The following LDLRAD4 variants were observed in gnomAD, a reference collection of about 807,000 sequenced individuals.
LDLRAD4 encodes the protein low density lipoprotein receptor class A domain containing 4, also known as low-density lipoprotein receptor class A domain-containing protein 4.
In LDLRAD4, 5 loss-of-function variants were observed where a neutral mutation model predicts 17.0. The observed-to-expected ratio is 0.29, with a 90% CI of 0.15 to 0.62. LDLRAD4 has a LOEUF of 0.62. Ranked by LOEUF, LDLRAD4 falls within the 20% of genes least tolerant of loss-of-function variation. LDLRAD4 has a pLI of 0.84. For missense variants in LDLRAD4, 340 were observed against 424.7 expected (o/e 0.80, Z 1.75); for synonymous variants, 168 against 171.8 (o/e 0.98, Z 0.17).
intron 1 of LDLRAD4, among the ~76,000 whole-genome samples, chr18:13,238,511 C>T (rs1052432295): frequency 2.0e-5 from 3 of 152,204 alleles, no homozygotes; most frequent in African/African-American, 7.2e-5. Flanking sequence ...CTACTCTGTG[C>T]TCTTTCTGTA....
At chr18:13,463,901 C>T (rs2092528452) in intron 3 of LDLRAD4, among the ~76,000 whole-genome samples, 1 of 152,250 alleles carries the variant, frequency 6.6e-6, no homozygotes, top group Non-Finnish European at 1.5e-5. Context: ...TAGTACTTCT[C>T]AGCCTTTCAT....
chr18:13,437,920 A>G (rs1011039619), intron 2 of LDLRAD4, among the ~76,000 whole-genome samples: 1 of 152,242 alleles, frequency 6.6e-6, no homozygotes, highest in Non-Finnish European at 1.5e-5. Flanking sequence ...ATAGAGCCCC[A>G]CAGCTATGAC....
At chr18:13,239,624 T>G (rs1340077872) in intron 1 of LDLRAD4, 1 of 152,300 alleles carries the variant, frequency 6.6e-6, no homozygotes, top group Admixed American at 6.5e-5. Flanking sequence ...GGAGAGACCT[T>G]CAGTAGGCTC....
At chr18:13,408,110 A>G (rs1232959930) in intron 2 of LDLRAD4, among the ~76,000 whole-genome samples, 2 of 152,218 alleles carry the variant, frequency 1.3e-5, no homozygotes, top group Non-Finnish European at 2.9e-5. Context: ...ACAATGGCTC[A>G]TGCCTGTAAT....
chr18:13,222,543 T>C (rs2041515171), intron 1 of LDLRAD4, among the ~76,000 whole-genome samples: 2 of 152,344 alleles, frequency 1.3e-5, no homozygotes, highest in South Asian at 4.1e-4. Context: ...GCAACACGCT[T>C]GCACTGCAAA....
At chr18:13,425,549 CG>C (rs907299043) in intron 2 of LDLRAD4, among the ~76,000 whole-genome samples, 1 of 152,114 alleles carries the variant, frequency 6.6e-6, no homozygotes, top group African/African-American at 2.4e-5. Context: ...TATGACACGT[CG>C]GGGCTCCAGA....
At chr18:13,265,676 G>C (rs1190193741) in intron 1 of LDLRAD4, among the ~76,000 whole-genome samples, 1 of 152,154 alleles carries the variant, frequency 6.6e-6, no homozygotes, top group South Asian at 2.1e-4. Context: ...CCCCAGGCAC[G>C]TTTCCGAGGA....
At chr18:13,566,395 G>T (rs1361220257) in intron 3 of LDLRAD4, among the ~76,000 whole-genome samples, 1 of 142,186 alleles carries the variant, frequency 7.0e-6, no homozygotes. Context: ...ACAGAGTCTC[G>T]CTCTGTTGCC....
intron 1 of LDLRAD4, among the ~76,000 whole-genome samples, chr18:13,374,266 C>T (rs1054519033): frequency 1.3e-5 from 2 of 152,198 alleles, no homozygotes; most frequent in Non-Finnish European, 2.9e-5. Context: ...GGAGCCCTCT[C>T]AGCCCTGACC....
At chr18:13,337,859 TA>T (rs1381113887) in intron 1 of LDLRAD4, among the ~76,000 whole-genome samples, 1 of 151,796 alleles carries the variant, frequency 6.6e-6, no homozygotes, top group Non-Finnish European at 1.5e-5. Context: ...AGGCCATCTC[TA>T]AAAAAAAGAA....
chr18:13,391,668 C>T (rs571594411), intron 2 of LDLRAD4, among the ~76,000 whole-genome samples: 14 of 114,118 alleles, frequency 1.2e-4, no homozygotes, highest in African/African-American at 3.6e-4. Flanking sequence ...ACTCGGAAAG[C>T]GCAAGAGTCA....
intron 1 of LDLRAD4, among the ~76,000 whole-genome samples, chr18:13,344,223 A>G (rs2082546430): frequency 1.3e-5 from 2 of 152,206 alleles, no homozygotes; most frequent in Non-Finnish European, 2.9e-5. Flanking sequence ...TAGGTCTAAC[A>G]TTTAAGTGTT....
chr18:13,570,157 C>T (rs1259080736), intron 3 of LDLRAD4, among the ~76,000 whole-genome samples: 3 of 152,144 alleles, frequency 2.0e-5, no homozygotes, highest in South Asian at 2.1e-4. Context: ...TAGAAGGTGA[C>T]GTTTTCACTT....
chr18:13,443,890 T>G (rs1278223060), intron 3 of LDLRAD4, among the ~76,000 whole-genome samples: 4 of 152,166 alleles, frequency 2.6e-5, no homozygotes, highest in African/African-American at 7.2e-5. Context: ...CTGGGGAGAC[T>G]CAGGTGTGAA....
intron 2 of LDLRAD4, among the ~76,000 whole-genome samples, chr18:13,411,096 C>G (rs925480667): frequency 6.6e-6 from 1 of 152,038 alleles, no homozygotes; most frequent in Non-Finnish European, 1.5e-5. Context: ...ACTAAAAATA[C>G]AAACATTTAG....
intron 1 of LDLRAD4, among the ~76,000 whole-genome samples, chr18:13,331,753 G>T (rs1415648770): frequency 6.6e-6 from 1 of 152,058 alleles, no homozygotes; most frequent in Non-Finnish European, 1.5e-5. Flanking sequence ...TATACTTTTT[G>T]TTTGCTCTGT....
intron 2 of LDLRAD4, among the ~76,000 whole-genome samples, chr18:13,431,226 G>A (rs971123212): frequency 1.3e-5 from 2 of 152,162 alleles, no homozygotes; most frequent in Middle Eastern, 3.2e-3. Context: ...GGGTGACGTC[G>A]TTTCAAACTC....
chr18:13,325,644 A>T (rs1269780064), intron 1 of LDLRAD4, among the ~76,000 whole-genome samples: 1 of 152,068 alleles, frequency 6.6e-6, no homozygotes, highest in East Asian at 1.9e-4. Flanking sequence ...TTCCAGGCCG[A>T]TCCCGGCACT....
At chr18:13,287,694 G>C (rs1378036844) in intron 1 of LDLRAD4, among the ~76,000 whole-genome samples, 1 of 152,214 alleles carries the variant, frequency 6.6e-6, no homozygotes, top group Non-Finnish European at 1.5e-5. Flanking sequence ...ACTTAGTGTG[G>C]ATGGATGGAG....
Sources: gnomAD v4.1 joint callset for allele counts (sites outside exome capture counted in the v4.1 genomes callset) on GRCh38, gnomAD v4.1.1 for gene constraint, MANE v1.5 for transcripts, NCBI Gene and HGNC (gene_info 2026-07-23, HGNC 2026-07-21) for gene names.